DYNLT2: variants seen among roughly 807,000 people sequenced by gnomAD.
DYNLT2 encodes dynein light chain Tctex-type protein 2.
In DYNLT2, 24 loss-of-function variants were observed where a neutral mutation model predicts 24.3. That is an observed-to-expected ratio of 0.99 (90% CI 0.71 to 1.39). The LOEUF (loss-of-function observed/expected upper bound fraction) is 1.39, where lower values mean the gene tolerates loss of function less well. DYNLT2 is among the 40% of genes most tolerant of loss of function. DYNLT2 has a pLI of 0.00. For synonymous variants in DYNLT2, 85 were observed against 85.4 expected (o/e 1.00, Z 0.03); for missense variants, 246 against 234.5 (o/e 1.05, Z -0.32).
In DYNLT2 at chr6:169,748,240, C is replaced by A. The variant is rs1302226886; in HGVS notation, c.120+3099G>T. On this transcript the variant is annotated intron_variant, in intron 1 of 3. Transcript: ENST00000366774. ...TAGGTCTTTGGGGCGGTTTGTGCAT[C>A]CCTGTCTTAATACTCTGCTCTCCAG... 2.0e-5 allele frequency among the ~76,000 whole-genome samples: 3 copies of A among 152,250 alleles called. No individual in the cohort carries two copies. The East Asian group carries it at 5.8e-4, about 29-fold the overall frequency.
chr6:169,736,711 T>G (rs1384243755), downstream of DYNLT2, among the ~76,000 whole-genome samples: 2 of 152,208 alleles, frequency 1.3e-5, no homozygotes, highest in Non-Finnish European at 2.9e-5. Flanking sequence ...TCCCTTTGTA[T>G]GTGACCTGGC....
chr6:169,737,776 G>T (rs192618378), downstream of DYNLT2, among the ~76,000 whole-genome samples: 9 of 152,242 alleles, frequency 5.9e-5, no homozygotes, highest in East Asian at 1.5e-3. Flanking sequence ...CTGTTGGAGG[G>T]TCTCACCCAG....
At position 169,751,442 on chromosome 6, in the gene DYNLT2, C is replaced by T; in HGVS notation, c.17G>A (p.Arg6Gln). The change falls in exon 1 of 4, where the codon CGA becomes CAA. Residue 6 changes from arginine (R) to glutamine (Q), a missense_variant. By Grantham distance (43) the Arg-to-Gln change is conservative. Coordinates refer to ENST00000366774, the MANE Select transcript of DYNLT2 (RefSeq NM_174910.3). ...CTGGATGGGGCTCGACTTCACGCCT[C>T]GGCCTCGCTTCTCCATCTCGCTCTG... The part of the protein sequence containing the change: MEKRG[R>Q]GVKSSPIQTP... 2 of 1,614,064 alleles carry T rather than the reference C, an allele frequency of 1.2e-6. No individual in the cohort carries two copies. Among genetic ancestry groups the T allele is most frequent in the Non-Finnish European group, 1.7e-6 (2 of 1,180,012 alleles).
Position 169,751,167 on chromosome 6 carries a change from C to T in DYNLT2, c.120+172G>A. 8.8e-6 allele frequency: 9 copies of T among 1,020,964 alleles called. No homozygotes were observed. In the South Asian group the frequency reaches 1.3e-4, roughly 14 times the overall value. The allele number at this position is 1,020,964 out of a possible 1,614,324, so 63.2% of individuals were successfully genotyped here. A position where few individuals can be genotyped will look rare whatever the true frequency, so the allele number is the denominator to read the frequency against. ...TAGCACTCAAGTCCAAAGGGGACTGCCCAACTCAGTCTCAGGCTTCAATTT... is the reference window on the plus strand; with the variant it reads ...TAGCACTCAAGTCCAAAGGGGACTGTCCAACTCAGTCTCAGGCTTCAATTT... On this transcript the variant is annotated intron_variant, in intron 1 of 3. Coordinates refer to ENST00000366774, the MANE Select transcript of DYNLT2 (RefSeq NM_174910.3).
At chr6:169,737,992 C>T (rs1433963229), downstream of DYNLT2, among the ~76,000 whole-genome samples, 1 of 150,906 alleles carries the variant, frequency 6.6e-6, no homozygotes, top group Non-Finnish European at 1.5e-5. Context: ...AAATTCTGTC[C>T]CTGAGCCTCT....
intron 2 of DYNLT2, among the ~76,000 whole-genome samples, chr6:169,743,630 T>C (rs886708143): frequency 6.6e-6 from 1 of 152,338 alleles, no homozygotes; most frequent in Non-Finnish European, 1.5e-5. Context: ...GGTTTTCTTA[T>C]ACTGAAGATT....
intron 3 of DYNLT2, among the ~76,000 whole-genome samples, 193 bp from the exon 4 acceptor site, chr6:169,740,488 C>T (rs931265909): frequency 3.9e-5 from 6 of 152,148 alleles, no homozygotes; most frequent in African/African-American, 7.2e-5. Context: ...TCTTCTTTAC[C>T]GGAGGCTGGC....
chr6:169,729,875 C>T, the DYNLT2 span, among the ~76,000 whole-genome samples: 2 of 152,056 alleles, frequency 1.3e-5, no homozygotes, highest in African/African-American at 4.8e-5. Context: ...TGTTGGCACC[C>T]TGATCTCAGA....
At chr6:169,743,904 C>G (rs960955187) in intron 2 of DYNLT2, among the ~76,000 whole-genome samples, 164 bp downstream of exon 2, 2 of 152,218 alleles carry the variant, frequency 1.3e-5, no homozygotes, top group Non-Finnish European at 2.9e-5. Flanking sequence ...CTACACATCT[C>G]TGATTAACTA....
At chr6:169,745,816 T>C (rs1022945891) in intron 1 of DYNLT2, among the ~76,000 whole-genome samples, 2 of 152,222 alleles carry the variant, frequency 1.3e-5, no homozygotes, top group Non-Finnish European at 2.9e-5. Flanking sequence ...TTCTCTCTGC[T>C]TTTATCTTCT....
chr6:169,751,435 C>T lies in DYNLT2; in HGVS notation c.24G>A (p.Val8=). The T allele has an allele frequency of 6.2e-7, 1 of 1,614,096 alleles. No individual in the cohort carries two copies. Among genetic ancestry groups the T allele is most frequent in the Non-Finnish European group, 8.5e-7 (1 of 1,180,018 alleles). Residue 8 remains valine, a synonymous_variant, in exon 1 of 4, where the codon GTG becomes GTA. Coordinates refer to ENST00000366774, the MANE Select transcript of DYNLT2 (RefSeq NM_174910.3). ...TCGGGGTCTGGATGGGGCTCGACTT[C>T]ACGCCTCGGCCTCGCTTCTCCATCT... MEKRGRG[V]KSSPIQTPNQ...
the DYNLT2 span, among the ~76,000 whole-genome samples, chr6:169,726,758 A>C: frequency 6.6e-6 from 1 of 152,244 alleles, no homozygotes; most frequent in Non-Finnish European, 1.5e-5. Flanking sequence ...GCCAAGTATT[A>C]ACTAAGAACT....
At position 169,751,535 on chromosome 6, in the gene DYNLT2, G is replaced by T; in HGVS notation, c.-77C>A. ...AAACGCCCTAGCCAGTCCCGCGAGG[G>T]CGGAAGTCTCCCACCTGCGCCTCGT... On this transcript the variant is annotated 5_prime_UTR_variant, in exon 1 of 4. Transcript: ENST00000366774. 4 of 1,610,672 alleles carry T rather than the reference G, an allele frequency of 2.5e-6. No homozygotes were observed. The highest frequency in any genetic ancestry group is 3.4e-6 in the Non-Finnish European group (4 of 1,178,840).
At chr6:169,726,474 A>C in the DYNLT2 span, among the ~76,000 whole-genome samples, 1 of 152,256 alleles carries the variant, frequency 6.6e-6, no homozygotes. Context: ...GGGGTGGGAA[A>C]ATAGACATAT....
At chr6:169,746,947 T>C (rs1224030886) in intron 1 of DYNLT2, among the ~76,000 whole-genome samples, 1 of 150,034 alleles carries the variant, frequency 6.7e-6, no homozygotes, top group Non-Finnish European at 1.5e-5. Context: ...CTGCTGCTTG[T>C]TAATCTACTT....
downstream of DYNLT2, among the ~76,000 whole-genome samples, chr6:169,736,807 C>G (rs1789571101): frequency 6.6e-6 from 1 of 152,132 alleles, no homozygotes; most frequent in Non-Finnish European, 1.5e-5. Flanking sequence ...TTGATCTTCT[C>G]ATGGAGTATC....
rs1241293313 is a variant in DYNLT2, at chr6:169,744,077, C to T, written c.318G>A (p.Gln106=). 7 of 1,611,788 alleles carry T rather than the reference C, an allele frequency of 4.3e-6. No homozygotes were observed. The highest frequency in any genetic ancestry group is 5.9e-6 in the Non-Finnish European group (7 of 1,179,868). ...QAHSVETKVQ[Q]ILTESLKDVK... ...ATATTTATCAACCTACTGTTAGTAT[C>T]TGCTGGACTTTAGTTTCTACTGAAT... Residue 106 remains glutamine (Q), a synonymous_variant, in exon 2 of 4, where the codon CAG becomes CAA. Transcript: ENST00000366774.
At chr6:169,727,154 C>G in the DYNLT2 span, among the ~76,000 whole-genome samples, 1 of 152,154 alleles carries the variant, frequency 6.6e-6, no homozygotes, top group Non-Finnish European at 1.5e-5. Flanking sequence ...TTGACTGTTT[C>G]AAGCTATTTC....
intron 1 of DYNLT2, chr6:169,751,102 T>TGTAG (rs1172001759): frequency 2.9e-5 from 15 of 511,412 alleles, no homozygotes; most frequent in African/African-American, 2.9e-4. Context: ...AATCGACTTA[T>TGTAG]GTAGGGTTCT....
Sources: gnomAD v4.1 joint callset for allele counts (sites outside exome capture counted in the v4.1 genomes callset) on GRCh38, gnomAD v4.1.1 for gene constraint, MANE v1.5 for transcripts, NCBI Gene and HGNC (gene_info 2026-07-23, HGNC 2026-07-21) for gene names.